Variants in EPB41L2 observed in about 807,000 individuals in gnomAD.
EPB41L2 encodes erythrocyte membrane protein band 4.1 like 2.
In EPB41L2, 43 loss-of-function variants were observed where a neutral mutation model predicts 113.0. The ratio of observed to expected loss-of-function variants is 0.38; its 90% CI spans 0.30 to 0.49. The LOEUF is 0.49. Among genes scored for constraint, EPB41L2 ranks in the 20% least tolerant of loss-of-function variants. EPB41L2 has a pLI of 0.95. For missense variants in EPB41L2, 1,147 were observed against 1,223.4 expected, an observed-to-expected ratio of 0.94 and a Z score of 0.93; for synonymous variants, 442 against 436.7, an observed-to-expected ratio of 1.01 and a Z score of -0.15.
At chr6:131,055,395 C>T (rs557664956) in intron 1 of EPB41L2, among the ~76,000 whole-genome samples, 1 of 152,190 alleles carries the variant, frequency 6.6e-6, no homozygotes, top group South Asian at 2.1e-4. Context: ...TTAAATGTCT[C>T]TAGTCTGAAA....
At chr6:130,968,474 T>C in intron 1 of EPB41L2, among the ~76,000 whole-genome samples, 1 of 152,206 alleles carries the variant, frequency 6.6e-6, no homozygotes, top group East Asian at 1.9e-4. Flanking sequence ...TTTAAGTAAT[T>C]ATAGCACTAC....
chr6:130,913,991 G>A (rs990428473), intron 4 of EPB41L2, among the ~76,000 whole-genome samples: 2 of 152,136 alleles, frequency 1.3e-5, no homozygotes, highest in Non-Finnish European at 2.9e-5. Flanking sequence ...TCATTGCCAG[G>A]TTTTAGACTT....
At chr6:130,890,842 A>G (rs1173153819) in intron 10 of EPB41L2, among the ~76,000 whole-genome samples, 1 of 152,174 alleles carries the variant, frequency 6.6e-6, no homozygotes, top group South Asian at 2.1e-4. Flanking sequence ...AGTAATTCTT[A>G]ATATTTATGC....
intron 1 of EPB41L2, among the ~76,000 whole-genome samples, chr6:130,989,345 ATAAAATATAAGGTTGACAAATAGG>A (rs1234380300): frequency 6.6e-6 from 1 of 152,214 alleles, no homozygotes; most frequent in Non-Finnish European, 1.5e-5. Context: ...AATGTTTAAA[ATAAAATATAAGGTTGACAAATAGG>A]TAGTCACAGC....
chr6:130,960,056 ATC>A (rs537284121), intron 1 of EPB41L2, among the ~76,000 whole-genome samples: 61 of 152,316 alleles, frequency 4.0e-4, no homozygotes, highest in African/African-American at 1.4e-3. Flanking sequence ...AGTGCCCATA[ATC>A]TGTTTCTCAA....
At chr6:130,867,693 CAAAAG>C (rs749827940) in intron 15 of EPB41L2, 112 bp from the exon 16 acceptor site, 46 of 1,371,624 alleles carry the variant, frequency 3.4e-5, no homozygotes, top group Middle Eastern at 3.9e-4. Context: ...CACTCATGCA[CAAAAG>C]AAAAGAGTAA....
intron 4 of EPB41L2, among the ~76,000 whole-genome samples, chr6:130,912,919 C>T (rs1023986525): frequency 4.0e-4 from 61 of 152,246 alleles, no homozygotes; most frequent in Middle Eastern, 3.4e-3. Context: ...AGAATATTAA[C>T]ACAGAGAAAT....
At chr6:130,927,692 T>A (rs1657170524) in intron 3 of EPB41L2, among the ~76,000 whole-genome samples, 1 of 152,248 alleles carries the variant, frequency 6.6e-6, no homozygotes, top group Admixed American at 6.5e-5. Flanking sequence ...AATCTGGTAT[T>A]TTTATTATTA....
chr6:130,910,571 A>C (rs565030805), intron 4 of EPB41L2, among the ~76,000 whole-genome samples: 23 of 152,360 alleles, frequency 1.5e-4, no homozygotes, highest in African/African-American at 5.5e-4. Context: ...AAAAGAAACT[A>C]TCATCAGAGT....
At chr6:131,028,734 A>G (rs1039635845) in intron 1 of EPB41L2, among the ~76,000 whole-genome samples, 2 of 152,220 alleles carry the variant, frequency 1.3e-5, no homozygotes, top group Non-Finnish European at 2.9e-5. Flanking sequence ...TACATTACCT[A>G]CCACAGATAA....
At chr6:130,951,347 A>T (rs1046835608) in intron 3 of EPB41L2, among the ~76,000 whole-genome samples, 1 of 124,454 alleles carries the variant, frequency 8.0e-6, no homozygotes, top group African/African-American at 3.2e-5. Flanking sequence ...TTTTTGAGAC[A>T]AAAGTCTCAC....
chr6:130,993,559 AG>A (rs1242459410), intron 1 of EPB41L2, among the ~76,000 whole-genome samples: 1 of 152,216 alleles, frequency 6.6e-6, no homozygotes, highest in Non-Finnish European at 1.5e-5. Context: ...TGCTGTAAAC[AG>A]GAAGTGTCTC....
At chr6:130,890,699 C>T (rs1278717622) in intron 10 of EPB41L2, among the ~76,000 whole-genome samples, 1 of 152,068 alleles carries the variant, frequency 6.6e-6, no homozygotes, top group Non-Finnish European at 1.5e-5. Context: ...TGTTCTTCTC[C>T]ACCTAAGCAA....
Position 130,956,480 on chromosome 6 carries a change from A to G in EPB41L2, c.6T>C (p.Thr2=). ...CTTCAGACACAGAGCCTACTTCAGT[A>G]GTCATGGCCACAGCTTATGCTGTAA... M[T]TEVGSVSEVK... Residue 2 remains threonine (T), a synonymous_variant, in exon 2 of 20, where the codon ACT becomes ACC. Coordinates refer to ENST00000337057, the MANE Select transcript of EPB41L2 (RefSeq NM_001431.4). 1.9e-6 allele frequency: 3 copies of G among 1,611,282 alleles called. No individual in the cohort carries two copies. Among genetic ancestry groups the G allele is most frequent in the Non-Finnish European group, 2.5e-6 (3 of 1,178,934 alleles).
intron 1 of EPB41L2, among the ~76,000 whole-genome samples, chr6:131,021,048 T>G (rs1209288788): frequency 2.0e-5 from 3 of 152,126 alleles, no homozygotes; most frequent in African/African-American, 7.2e-5. Context: ...TCCTTCTGCC[T>G]TGGCCTCCCA....
chr6:130,848,188 C>G (rs60612546), intron 19 of EPB41L2, among the ~76,000 whole-genome samples: 4,710 of 79,438 alleles, frequency 0.059, 99 homozygotes, highest in African/African-American at 0.091. Context: ...CTCTGTCTCT[C>G]TCTCTCTCTC....
intron 1 of EPB41L2, among the ~76,000 whole-genome samples, chr6:130,971,839 C>G (rs891065564): frequency 6.6e-6 from 1 of 152,146 alleles, no homozygotes; most frequent in Non-Finnish European, 1.5e-5. Context: ...TATAGAAAAA[C>G]TGCAAATATA....
chr6:130,874,148 T>G (rs1009715436), intron 14 of EPB41L2, among the ~76,000 whole-genome samples: 7 of 152,152 alleles, frequency 4.6e-5, no homozygotes, highest in Admixed American at 3.9e-4. Flanking sequence ...TACAACACGT[T>G]AAGAGGATTA....
rs60350565 is a variant in EPB41L2, at chr6:130,892,403, C to CTT, written c.1487+1939_1488-1938dup. On this transcript the variant is annotated intron_variant, in intron 10 of 19. Coordinates refer to ENST00000337057, the MANE Select transcript of EPB41L2 (RefSeq NM_001431.4). ...CTTGCCATTTCTGAACAGATTATTGCTTTTTTTTTTTTTTTTTTTATCATT... is the reference window on the plus strand; with the variant it reads ...CTTGCCATTTCTGAACAGATTATTGCTTTTTTTTTTTTTTTTTTTTTATCATT... Among the ~76,000 whole-genome samples the CTT allele has an allele frequency of 1.2e-3, 110 of 92,616 alleles. 4 individuals are homozygous for CTT. The highest frequency in any genetic ancestry group is 2.2e-3 in the African/African-American group (64 of 28,914). 60.8% of individuals were successfully genotyped at this position (92,616 alleles called of 152,430 possible). A position where few individuals can be genotyped will look rare whatever the true frequency, so the allele number is the denominator to read the frequency against.
Sources: allele counts gnomAD v4.1 joint callset (sites outside exome capture counted in the v4.1 genomes callset), GRCh38; gene constraint gnomAD v4.1.1; transcripts MANE v1.5; gene names NCBI Gene and HGNC (gene_info 2026-07-23, HGNC 2026-07-21).